The following PRKDC variants were observed in gnomAD, a reference collection of about 807,000 sequenced individuals.
PRKDC encodes the protein protein kinase, DNA-activated, catalytic subunit.
In PRKDC, 82 loss-of-function variants were observed where a neutral mutation model predicts 486.9. The ratio of observed to expected loss-of-function variants is 0.17; its 90% confidence interval spans 0.14 to 0.20. The LOEUF is 0.20. Ranked by LOEUF, PRKDC falls within the 10% of genes least tolerant of loss-of-function variation. The pLI is 1.00. For synonymous variants in PRKDC, 1,895 were observed against 1,837.0 expected, an observed-to-expected ratio of 1.03 and a Z score of -0.81; for missense variants, 4,504 against 5,038.2, an observed-to-expected ratio of 0.89 and a Z score of 3.21.
chr8:47,836,562 T>A (rs776567883), intron 57 of PRKDC, 35 bp from the exon 58 acceptor site: 1 of 1,511,144 alleles, frequency 6.6e-7, no homozygotes, highest in Non-Finnish European at 9.0e-7. Flanking sequence ...AAATAAAGTT[T>A]CAAATGAAAT....
intron 58 of PRKDC, 148 bp downstream of exon 58, chr8:47,836,190 C>G: frequency 1.2e-6 from 1 of 815,046 alleles, no homozygotes; most frequent in Non-Finnish European, 1.7e-6. Flanking sequence ...TAGGAACCCC[C>G]TCTTTTGAAT....
rs930929088 is a variant in PRKDC at position 47,831,744 on chromosome 8, C to T, written c.8265+70G>A. On this transcript the variant is annotated intron_variant, in intron 60 of 85. Transcript: ENST00000314191. Reference sequence around the variant, plus strand: ...TTGGAGGCAGTGTCTGGCAGGAAGCCTGTTCACTTCGTCTGTATCCTGTGA... The same window carrying T: ...TTGGAGGCAGTGTCTGGCAGGAAGCTTGTTCACTTCGTCTGTATCCTGTGA... 5.9e-6 allele frequency: 9 copies of T among 1,514,112 alleles called. No homozygotes were observed. In the Admixed American group the frequency reaches 1.5e-4, roughly 25 times the overall value. 93.8% of individuals were successfully genotyped at this position (1,514,112 alleles called of 1,614,324 possible). A position where few individuals can be genotyped will look rare whatever the true frequency, so the allele number is the denominator to read the frequency against.
At chr8:47,955,820 CTTTTAAAAGTTACAT>C in intron 4 of PRKDC, 39 bp downstream of exon 4, 1 of 1,398,920 alleles carries the variant, frequency 7.1e-7, no homozygotes, top group East Asian at 2.3e-5. Flanking sequence ...CTCTGATTTT[CTTTTAAAAGTTACAT>C]GTTTAATGTA....
At chr8:47,914,128 C>A (rs1389292607) in intron 23 of PRKDC, 64 bp from the exon 24 acceptor site, 17 of 1,299,676 alleles carry the variant, frequency 1.3e-5, no homozygotes, top group Non-Finnish European at 1.7e-5. Context: ...CAGAATTATT[C>A]ACAAATCAAA....
At chr8:47,877,481 A>G (rs2089114123) in intron 40 of PRKDC, among the ~76,000 whole-genome samples, 1 of 152,254 alleles carries the variant, frequency 6.6e-6, no homozygotes, top group African/African-American at 2.4e-5. Context: ...TAAAAGGCCA[A>G]GATGAAGCTT....
chr8:47,927,370 A>G lies in PRKDC; in HGVS notation c.2260-17T>C, dbSNP rs56408166. 2.3e-5 allele frequency: 36 copies of G among 1,592,324 alleles called. 1 individual carries two copies. In the East Asian group the frequency reaches 4.0e-4, roughly 18 times the overall value. On this transcript the variant is annotated splice_polypyrimidine_tract_variant and intron_variant, in intron 20 of 85. Transcript: ENST00000314191. Reference sequence around the variant, plus strand: ...GAAAGCCATCTGTATGTTAATACAAACAAGTTAAACTGAAACGCAGGAAAT... The same window carrying G: ...GAAAGCCATCTGTATGTTAATACAAGCAAGTTAAACTGAAACGCAGGAAAT...
rs1174478130 is a variant in PRKDC, at chr8:47,929,969, C to A, written c.1936G>T (p.Val646Leu). 5.6e-6 allele frequency: 9 copies of A among 1,608,446 alleles called. No homozygotes were observed. Among genetic ancestry groups the A allele is most frequent in the African/African-American group, 1.3e-5 (1 of 74,660 alleles). ...EKQAEFFEPWVYSFSYELILQ... is the reference protein window; with the variant it reads ...EKQAEFFEPWLYSFSYELILQ... ...ATTAATTCATATGAAAATGAGTACA[C>A]CCATGGTTCAAAAAATTCTGCTTGT... The change falls in exon 18 of 86, where the codon GTG becomes TTG. Residue 646 changes from valine (V) to leucine (L), a missense_variant. Val to Leu is a conservative substitution (Grantham distance 32). This residue lies in a region of PRKDC where 1,969 missense variants were observed against 2,068.9 expected (regional missense o/e 0.95). Transcript: ENST00000314191.
chr8:47,853,944 G>A, intron 51 of PRKDC, 139 bp downstream of exon 51: 1 of 1,122,040 alleles, frequency 8.9e-7, no homozygotes, highest in Non-Finnish European at 1.3e-6. Context: ...TAGAATTACA[G>A]GCATGAGCCA....
intron 54 of PRKDC, among the ~76,000 whole-genome samples, chr8:47,847,421 A>C (rs953810300): frequency 3.3e-5 from 5 of 152,206 alleles, no homozygotes; most frequent in Non-Finnish European, 7.3e-5. Flanking sequence ...CTCATTCAAT[A>C]AATGGTGCTA....
In PRKDC at chr8:47,819,513, T is replaced by TAA. The variant is rs11311765; in HGVS notation, c.9337-5_9337-4dup. On this transcript the variant is annotated splice_region_variant and splice_polypyrimidine_tract_variant and intron_variant, in intron 66 of 85. Transcript: ENST00000314191. Reference sequence around the variant, plus strand: ...AGGACATCAATACTAGAATAATTCTTAAAAAAAAAAAAAAAAAAAAAGGGC... The same window carrying TAA: ...AGGACATCAATACTAGAATAATTCTTAAAAAAAAAAAAAAAAAAAAAAAGGGC... The TAA allele has an allele frequency of 0.012, 6,655 of 543,340 alleles. 1 individual carries two copies. Among genetic ancestry groups the TAA allele is most frequent in the Middle Eastern group, 0.021 (41 of 1,988 alleles). The allele number at this position is 543,340 out of a possible 1,614,324, so 33.7% of individuals were successfully genotyped here. A position where few individuals can be genotyped will look rare whatever the true frequency, so the allele number is the denominator to read the frequency against.
rs1291229034 is a variant in PRKDC, at chr8:47,929,891, T to C, written c.2014A>G (p.Ile672Val). 8 of 1,603,616 alleles carry C rather than the reference T, an allele frequency of 5.0e-6. No individual in the cohort carries two copies. The highest frequency in any genetic ancestry group is 1.1e-5 in the South Asian group (1 of 87,476). ...LISGFYKLLS[I>V]TVRNAKKIKY... ...ATTTTCTTGGCATTTCTTACTGTAA[T>C]AGAAAGCAATTTGTAGAAACCACTG... Residue 672 changes from isoleucine (I) to valine (V), a missense_variant, in exon 18 of 86, where the codon ATT becomes GTT. Ile to Val is a conservative substitution (Grantham distance 29). Around this residue, in one of 6 missense-constraint regions of PRKDC, gnomAD observed 1,969 missense variants for 2,068.9 expected, o/e 0.95. Transcript: ENST00000314191.
chr8:47,854,311 C>T, intron 50 of PRKDC, 97 bp from the exon 51 acceptor site: 1 of 1,394,570 alleles, frequency 7.2e-7, no homozygotes, highest in Non-Finnish European at 9.9e-7. Context: ...GAGACAGAGT[C>T]TGACTCTCGC....
intron 60 of PRKDC, among the ~76,000 whole-genome samples, chr8:47,831,287 T>C (rs1244017118): frequency 6.6e-6 from 1 of 152,250 alleles, no homozygotes; most frequent in Non-Finnish European, 1.5e-5. Context: ...GAGCCGCTCC[T>C]GTGGCGGCGG....
chr8:47,807,625 A>G (rs2087243651), intron 68 of PRKDC, among the ~76,000 whole-genome samples: 2 of 149,444 alleles, frequency 1.3e-5, no homozygotes, highest in South Asian at 4.2e-4. Flanking sequence ...TCACTGTGTT[A>G]GCCAGGATGG....
chr8:47,818,578 C>CAAA lies in PRKDC; in HGVS notation c.9445+821_9445+823dup, dbSNP rs1174698261. Among the ~76,000 whole-genome samples, 81 of 36,040 alleles carry CAAA rather than the reference C, an allele frequency of 2.2e-3. 1 individual carries two copies. Among genetic ancestry groups the CAAA allele is most frequent in the East Asian group, 4.9e-3 (6 of 1,218 alleles). 23.6% of individuals were successfully genotyped at this position (36,040 alleles called of 152,430 possible). Reference sequence around the variant, plus strand: ...TGCGAAACAGAGTGAGACTCCGTCTCAAAAAAAAAAAAAAAAAAAAAAAAG... The same window carrying CAAA: ...TGCGAAACAGAGTGAGACTCCGTCTCAAAAAAAAAAAAAAAAAAAAAAAAAAAG... On this transcript the variant is annotated intron_variant, in intron 67 of 85. Transcript: ENST00000314191.
chr8:47,928,977 A>T (rs1236106129), intron 19 of PRKDC, 115 bp downstream of exon 19: 1 of 857,922 alleles, frequency 1.2e-6, no homozygotes, highest in Non-Finnish European at 1.8e-6. Flanking sequence ...GGCATGAGCC[A>T]CCGCACCCAG....
intron 49 of PRKDC, 138 bp from the exon 50 acceptor site, chr8:47,855,511 A>C: frequency 1.1e-6 from 1 of 932,224 alleles, no homozygotes; most frequent in Non-Finnish European, 1.6e-6. Flanking sequence ...GATTTTTCAG[A>C]AACAGGTAAC....
chr8:47,822,993 G>A (rs2087639173), intron 64 of PRKDC, among the ~76,000 whole-genome samples: 1 of 152,070 alleles, frequency 6.6e-6, no homozygotes, highest in Admixed American at 6.5e-5. Flanking sequence ...AATCCTCAAT[G>A]TCAGAGGTGG....
At chr8:47,878,457 G>C (rs763769574) in intron 39 of PRKDC, among the ~76,000 whole-genome samples, 3 of 152,118 alleles carry the variant, frequency 2.0e-5, no homozygotes, top group Non-Finnish European at 2.9e-5. Context: ...CTCAGGTTCT[G>C]AGAGTACATG....
Sources: allele counts gnomAD v4.1 joint callset (sites outside exome capture counted in the v4.1 genomes callset), GRCh38; gene constraint gnomAD v4.1.1; regional missense constraint gnomAD v4.1.1; transcripts MANE v1.5; gene names NCBI Gene and HGNC (gene_info 2026-07-23, HGNC 2026-07-21).